The following NREP variants were observed in gnomAD, a reference collection of about 807,000 sequenced individuals.
The protein encoded by NREP is neuronal regeneration-related protein.
Under a neutral mutation model 8.6 loss-of-function variants are expected in NREP, and 5 were observed. That is an observed-to-expected ratio of 0.58 (90% CI 0.30 to 1.22). NREP has a LOEUF of 1.22. Among genes scored for constraint, NREP ranks in the 50% most tolerant of loss-of-function variants. NREP has a pLI of 0.07. For synonymous variants in NREP, 27 were observed against 28.0 expected (o/e 0.96, Z 0.11); for missense variants, 86 against 82.5 (o/e 1.04, Z -0.17).
chr5:111,856,991 G>A (rs1274676394), intron 2 of NREP, among the ~76,000 whole-genome samples: 4 of 152,078 alleles, frequency 2.6e-5, no homozygotes, highest in African/African-American at 9.7e-5. Context: ...GTTTCTGTAT[G>A]TTTCAGTTTA....
intron 2 of NREP, among the ~76,000 whole-genome samples, chr5:111,935,644 A>G (rs1277479020): frequency 2.0e-5 from 3 of 152,158 alleles, no homozygotes; most frequent in Non-Finnish European, 2.9e-5. Context: ...AAATAAGGGC[A>G]TAACTGGTTT....
intron 2 of NREP, among the ~76,000 whole-genome samples, chr5:111,889,283 G>A (rs1234560180): frequency 6.6e-6 from 1 of 152,144 alleles, no homozygotes. Flanking sequence ...AGAGAGTGGT[G>A]GAAGGTGCCA....
intron 2 of NREP, among the ~76,000 whole-genome samples, chr5:111,793,722 C>T (rs185316677): frequency 3.0e-4 from 46 of 152,264 alleles, no homozygotes; most frequent in East Asian, 7.7e-4. Flanking sequence ...TAATGCTTTA[C>T]GCTCAATGAA....
intron 2 of NREP, among the ~76,000 whole-genome samples, chr5:111,948,657 A>G (rs1356140117): frequency 1.3e-5 from 2 of 152,068 alleles, no homozygotes; most frequent in Non-Finnish European, 2.9e-5. Flanking sequence ...TCGAAACACC[A>G]GAACAAATCC....
chr5:111,780,771 G>C (rs1751474903), intron 2 of NREP, among the ~76,000 whole-genome samples: 1 of 152,070 alleles, frequency 6.6e-6, no homozygotes. Context: ...ATTGCTTTTT[G>C]CAGCAATTTC....
chr5:111,734,998 A>T (rs1748970033), intron 3 of NREP: 2 of 381,392 alleles, frequency 5.2e-6, no homozygotes. Context: ...CAAAAATTAG[A>T]AGAAAGAAAT....
intron 2 of NREP, among the ~76,000 whole-genome samples, chr5:111,908,639 T>C (rs992556523): frequency 4.6e-5 from 7 of 150,686 alleles, no homozygotes; most frequent in Non-Finnish European, 8.8e-5. Context: ...GTATTTCATG[T>C]TGTATACATA....
upstream of NREP, among the ~76,000 whole-genome samples, chr5:111,761,766 A>G (rs1750964593): frequency 6.6e-6 from 1 of 152,320 alleles, no homozygotes; most frequent in Middle Eastern, 3.4e-3. Flanking sequence ...AATAGATTCT[A>G]ATTATCTTAG....
intron 2 of NREP, among the ~76,000 whole-genome samples, chr5:111,887,530 C>T (rs902054062): frequency 6.6e-6 from 1 of 152,098 alleles, no homozygotes; most frequent in Non-Finnish European, 1.5e-5. Context: ...GCAGAGTGGG[C>T]CTGCTATGGG....
chr5:111,930,980 T>C (rs2112597920), intron 2 of NREP, among the ~76,000 whole-genome samples: 1 of 152,240 alleles, frequency 6.6e-6, no homozygotes, highest in Non-Finnish European at 1.5e-5. Context: ...TGTGCATCTA[T>C]GTGGGGAACT....
intron 2 of NREP, among the ~76,000 whole-genome samples, chr5:111,752,326 T>A (rs1750412600): frequency 6.6e-6 from 1 of 152,194 alleles, no homozygotes; most frequent in African/African-American, 2.4e-5. Flanking sequence ...CTATCCCAAC[T>A]GTCCTAATTC....
rs541375614 is a variant in NREP, at chr5:111,925,658, T to C, written c.135+49616A>G. Among the ~76,000 whole-genome samples, 8 of 152,268 alleles carry C rather than the reference T, an allele frequency of 5.3e-5. No homozygotes were observed. In the South Asian group the frequency reaches 1.7e-3, roughly 32 times the overall value. On this transcript the variant is annotated intron_variant, in intron 2 of 3. Coordinates refer to the NREP transcript ENST00000395634. ...AACTGAGTCAGGAGACAGGGAAGTA[T>C]GTTTTATTAAGGCCTCTTAGCCTTT... is the stretch of plus-strand genomic sequence containing the variant.
intron 2 of NREP, among the ~76,000 whole-genome samples, chr5:111,833,809 T>C (rs1329223474): frequency 6.6e-6 from 1 of 152,144 alleles, no homozygotes; most frequent in Admixed American, 6.6e-5. Flanking sequence ...AAATATGCGG[T>C]GGGTATTAGT....
chr5:111,826,434 A>G (rs952918862), intron 2 of NREP, among the ~76,000 whole-genome samples: 3 of 152,208 alleles, frequency 2.0e-5, no homozygotes, highest in African/African-American at 7.2e-5. Flanking sequence ...TCTGCACTGC[A>G]TTTATGAGCT....
At chr5:111,791,580 C>T (rs1171039426) in intron 2 of NREP, among the ~76,000 whole-genome samples, 2 of 152,108 alleles carry the variant, frequency 1.3e-5, no homozygotes, top group African/African-American at 2.4e-5. Context: ...CTAGGCCCAA[C>T]GATCTTCCCT....
chr5:111,735,337 T>C, intron 3 of NREP, 93 bp downstream of exon 3: 1 of 798,246 alleles, frequency 1.3e-6, no homozygotes, highest in Non-Finnish European at 2.1e-6. Flanking sequence ...TAGCAGCCTA[T>C]AATGGGTATT....
chr5:111,754,218 T>C (rs914079177), intron 2 of NREP, among the ~76,000 whole-genome samples: 5 of 152,218 alleles, frequency 3.3e-5, no homozygotes, highest in African/African-American at 1.2e-4. Flanking sequence ...CTTTTCTGCA[T>C]TCAAATGGTT....
At chr5:111,855,242 C>G (rs543534352) in intron 2 of NREP, among the ~76,000 whole-genome samples, 21 of 152,268 alleles carry the variant, frequency 1.4e-4, no homozygotes, top group African/African-American at 5.1e-4. Context: ...GACTGCCTAC[C>G]AACGCTTATT....
chr5:111,798,480 A>C (rs1751923106), intron 2 of NREP, among the ~76,000 whole-genome samples: 1 of 152,122 alleles, frequency 6.6e-6, no homozygotes, highest in Non-Finnish European at 1.5e-5. Flanking sequence ...AGCAGTGTAC[A>C]CTGTATCCAG....
Sources: allele counts gnomAD v4.1 joint callset (sites outside exome capture counted in the v4.1 genomes callset), GRCh38; gene constraint gnomAD v4.1.1; transcripts MANE v1.5; gene names NCBI Gene and HGNC (gene_info 2026-07-23, HGNC 2026-07-21).